SORBS2: variants seen among roughly 807,000 people sequenced by gnomAD.
SORBS2 encodes the protein sorbin and SH3 domain containing 2, also known as sorbin and SH3 domain-containing protein 2.
In SORBS2, 46 loss-of-function variants were observed where a neutral mutation model predicts 97.7. The ratio of observed to expected loss-of-function variants is 0.47; its 90% CI spans 0.37 to 0.60. The LOEUF is 0.60. Among genes scored for constraint, SORBS2 ranks in the 20% least tolerant of loss-of-function variants. The pLI is 0.00. For synonymous variants in SORBS2, 476 were observed against 473.4 expected (o/e 1.01, Z -0.07); for missense variants, 1,316 against 1,282.3 (o/e 1.03, Z -0.40).
intron 6 of SORBS2, among the ~76,000 whole-genome samples, chr4:185,625,261 G>A (rs573454318): frequency 9.2e-5 from 14 of 151,904 alleles, no homozygotes; most frequent in East Asian, 7.7e-4. Flanking sequence ...TTTTTTTCTC[G>A]GAAGAGTTCT....
At chr4:185,800,232 A>G (rs928380834) in intron 1 of SORBS2, among the ~76,000 whole-genome samples, 14 of 152,132 alleles carry the variant, frequency 9.2e-5, no homozygotes, top group Non-Finnish European at 2.1e-4. Context: ...GCTTCTAACC[A>G]CTAGCAATCA....
chr4:185,783,056 A>T (rs939804818), intron 1 of SORBS2, among the ~76,000 whole-genome samples: 1 of 152,256 alleles, frequency 6.6e-6, no homozygotes, highest in African/African-American at 2.4e-5. Flanking sequence ...GCACAATTCC[A>T]TAATTACTAT....
intron 1 of SORBS2, among the ~76,000 whole-genome samples, chr4:185,873,401 CT>C (rs2099231517): frequency 6.6e-6 from 1 of 152,186 alleles, no homozygotes; most frequent in Non-Finnish European, 1.5e-5. Flanking sequence ...TGAATTCCCA[CT>C]GATTCCAATA....
intron 1 of SORBS2, among the ~76,000 whole-genome samples, chr4:185,797,225 G>A (rs2099108965): frequency 6.6e-6 from 1 of 152,156 alleles, no homozygotes; most frequent in African/African-American, 2.4e-5. Flanking sequence ...TTAGGAGAGC[G>A]ACTGACACAG....
At chr4:185,786,960 T>C (rs974666289) in intron 1 of SORBS2, among the ~76,000 whole-genome samples, 5 of 140,746 alleles carry the variant, frequency 3.6e-5, no homozygotes, top group Non-Finnish European at 7.6e-5. Flanking sequence ...ATTTTTTTTT[T>C]TTTTTTTGAG....
exon 15 of SORBS2, chr4:185,587,664 A>G: frequency 6.2e-7 from 1 of 1,613,458 alleles, no homozygotes. Flanking sequence ...GAAAGTACCA[A>G]AGAATTTGGT....
chr4:185,953,120 G>C (rs2099277988), intron 1 of SORBS2, among the ~76,000 whole-genome samples: 1 of 152,190 alleles, frequency 6.6e-6, no homozygotes, highest in Non-Finnish European at 1.5e-5. Context: ...TTCAAGACCA[G>C]CCTGGCCAAC....
rs1366651977 is a variant in SORBS2, at chr4:185,745,351, A to G, written c.-198+29876T>C. ...ATTCTCCCGCAAGTAAGGAGAGATC[A>G]GGGACTGTTCCAATTTTTGGCGTTC... is the stretch of plus-strand genomic sequence containing the variant. On this transcript the variant is annotated intron_variant, in intron 2 of 20. Coordinates refer to the SORBS2 transcript ENST00000284776. Among the ~76,000 whole-genome samples the G allele has an allele frequency of 2.0e-5, 3 of 152,222 alleles. No homozygotes were observed. The East Asian group carries it at 5.8e-4, about 29-fold the overall frequency.
Position 185,733,475 on chromosome 4 carries a change from A to G in SORBS2, c.-198+41752T>C, listed in dbSNP as rs557474506. On this transcript the variant is annotated intron_variant, in intron 2 of 20. Transcript: ENST00000284776. ...CCATCCCGTGCTTCTCTGGAGCCCC[A>G]CTGGGCAGAGCCAGGTGGAGAAGCA... is the stretch of plus-strand genomic sequence containing the variant. 1.2e-3 allele frequency among the ~76,000 whole-genome samples: 183 copies of G among 152,274 alleles called. 2 individuals are homozygous for G. Among genetic ancestry groups the G allele is most frequent in the African/African-American group, 4.3e-3 (180 of 41,576 alleles).
At chr4:185,690,762 A>G (rs981433340) in intron 2 of SORBS2, among the ~76,000 whole-genome samples, 151 bp from the exon 4 acceptor site, 1 of 152,202 alleles carries the variant, frequency 6.6e-6, no homozygotes, top group Non-Finnish European at 1.5e-5. Context: ...GGTAGGAAGA[A>G]TTTATAATTC....
chr4:185,633,351 C>G (rs987329573), intron 4 of SORBS2, among the ~76,000 whole-genome samples: 1 of 152,126 alleles, frequency 6.6e-6, no homozygotes, highest in East Asian at 1.9e-4. Flanking sequence ...TTCTGAAAAA[C>G]TATAATGTGA....
In SORBS2 at chr4:185,938,082, C is replaced by T. The variant is rs563199577; in HGVS notation, c.-338+18114G>A. The stretch of plus-strand genomic sequence containing the variant: ...TGGAGTGCAGTGGCATGATCTCGGC[C>T]CACTGCAACCCCCACCTCCCGGTTC... On this transcript the variant is annotated intron_variant, in intron 1 of 20. Coordinates refer to the SORBS2 transcript ENST00000284776. Among the ~76,000 whole-genome samples, 251 of 149,968 alleles carry T rather than the reference C, an allele frequency of 1.7e-3. 1 individual carries two copies. The highest frequency in any genetic ancestry group is 5.8e-3 in the African/African-American group (237 of 40,736).
intron 2 of SORBS2, 103 bp from the exon 11 acceptor site, chr4:185,651,931 C>T (rs777487182): frequency 5.3e-5 from 37 of 700,730 alleles, no homozygotes; most frequent in Non-Finnish European, 8.1e-5. Context: ...AGAAAAGCAA[C>T]GTATTTTTCC....
chr4:185,858,064 G>A (rs186187369), intron 1 of SORBS2, among the ~76,000 whole-genome samples: 392 of 152,194 alleles, frequency 2.6e-3, no homozygotes, highest in Admixed American at 3.7e-3. Context: ...ATAAAAACTC[G>A]CTGGTTTTGC....
intron 1 of SORBS2, among the ~76,000 whole-genome samples, chr4:185,814,863 TTGTAACTTGG>T (rs2099192324): frequency 6.6e-6 from 1 of 152,242 alleles, no homozygotes; most frequent in African/African-American, 2.4e-5. Flanking sequence ...AGCCCCTCCC[TTGTAACTTGG>T]TGCACTGAGG....
Position 185,877,883 on chromosome 4 carries a change from A to G in SORBS2, c.-338+78313T>C, listed in dbSNP as rs796563646. Among the ~76,000 whole-genome samples, 150 of 145,274 alleles carry G rather than the reference A, an allele frequency of 1.0e-3. 3 individuals carry two copies. The highest frequency in any genetic ancestry group is 3.6e-3 in the African/African-American group (142 of 39,056). On this transcript the variant is annotated intron_variant, in intron 1 of 20. Transcript: ENST00000284776. ...AGACTCTGTCAAAAAACAAAAAAAAAAAAGAAAGAAAGAAGAAAGAAAAGA... is the reference window on the plus strand; with the variant it reads ...AGACTCTGTCAAAAAACAAAAAAAAGAAAGAAAGAAAGAAGAAAGAAAAGA...
chr4:185,655,982 C>T (rs1349298573), intron 1 of SORBS2, among the ~76,000 whole-genome samples: 1 of 152,180 alleles, frequency 6.6e-6, no homozygotes, highest in Non-Finnish European at 1.5e-5. Context: ...TTACACAAAA[C>T]CAATGACACC....
intron 2 of SORBS2, among the ~76,000 whole-genome samples, chr4:185,744,477 A>G (rs1468028535): frequency 6.6e-6 from 1 of 152,242 alleles, no homozygotes; most frequent in Non-Finnish European, 1.5e-5. Context: ...AACGAGATCT[A>G]TGGTTTTGGT....
intron 1 of SORBS2, among the ~76,000 whole-genome samples, chr4:185,809,187 G>A (rs1261037592): frequency 1.3e-5 from 2 of 151,992 alleles, no homozygotes; most frequent in Non-Finnish European, 2.9e-5. Flanking sequence ...GAAGTCTGAG[G>A]TTACCAGTAC....
Sources: allele counts gnomAD v4.1 joint callset (sites outside exome capture counted in the v4.1 genomes callset), GRCh38; gene constraint gnomAD v4.1.1; transcripts MANE v1.5; gene names NCBI Gene and HGNC (gene_info 2026-07-23, HGNC 2026-07-21).